The following COL14A1 variants were observed in gnomAD, a reference collection of about 807,000 sequenced individuals.
COL14A1 encodes collagen type XIV alpha 1 chain.
COL14A1 carries 136 observed loss-of-function variants against 230.3 expected under a neutral mutation model. The observed-to-expected ratio is 0.59, with a 90% CI of 0.51 to 0.68. The LOEUF (loss-of-function observed/expected upper bound fraction) is 0.68, where lower values mean the gene tolerates loss of function less well. Among genes scored for constraint, COL14A1 ranks in the 30% least tolerant of loss-of-function variants. COL14A1 has a pLI of 0.00. For synonymous variants in COL14A1, 792 were observed against 784.1 expected (o/e 1.01, Z -0.17); for missense variants, 1,976 against 2,215.8 (o/e 0.89, Z 2.17).
Position 120,342,361 on chromosome 8 carries a change from T to C in COL14A1, c.4822-19T>C, listed in dbSNP as rs761450437. ...TGGGCTTGTAGCTGAGTCAGGAGTA[T>C]GCTTTTTTTCTCATCCAGGGTGACC... On this transcript the variant is annotated intron_variant, in intron 43 of 47. Transcript: ENST00000297848. 6.2e-7 allele frequency: 1 copy of C among 1,613,394 alleles called. No homozygotes were observed. The highest frequency in any genetic ancestry group is 1.7e-5 in the Admixed American group (1 of 59,998).
chr8:120,271,227 G>A (rs536508228), intron 26 of COL14A1, among the ~76,000 whole-genome samples: 1 of 151,700 alleles, frequency 6.6e-6, no homozygotes, highest in Non-Finnish European at 1.5e-5. Flanking sequence ...CTACTTGTGG[G>A]TGGAGGGTAG....
At chr8:120,243,215 G>A (rs1010485239) in intron 19 of COL14A1, among the ~76,000 whole-genome samples, 1 of 152,198 alleles carries the variant, frequency 6.6e-6, no homozygotes, top group African/African-American at 2.4e-5. Flanking sequence ...CTTGCGCGAT[G>A]TCGAACCCAC....
chr8:120,208,213 C>G lies in COL14A1; in HGVS notation c.1192-19C>G. 9 of 1,591,290 alleles carry G rather than the reference C, an allele frequency of 5.7e-6. No homozygotes were observed. Among genetic ancestry groups the G allele is most frequent in the Non-Finnish European group, 6.9e-6 (8 of 1,164,730 alleles). ...TAAGATATTCCATACTCTCATTACT[C>G]AAACTGTTCTTTAAACAGGTGGTGG... On this transcript the variant is annotated intron_variant, in intron 10 of 47. Coordinates refer to ENST00000297848, the MANE Select transcript of COL14A1 (RefSeq NM_021110.4).
intron 36 of COL14A1, among the ~76,000 whole-genome samples, chr8:120,307,357 G>T (rs1820885952): frequency 6.6e-6 from 1 of 152,182 alleles, no homozygotes; most frequent in Non-Finnish European, 1.5e-5. Flanking sequence ...AGATCAAGTA[G>T]AGAAATGATT....
At chr8:120,221,843 G>T (rs1196995963) in intron 14 of COL14A1, among the ~76,000 whole-genome samples, 1 of 152,184 alleles carries the variant, frequency 6.6e-6, no homozygotes, top group African/African-American at 2.4e-5. Flanking sequence ...AGGTAAAGGT[G>T]GGTGGGAGAG....
chr8:120,153,790 A>G (rs1486701872), intron 2 of COL14A1, among the ~76,000 whole-genome samples: 1 of 152,226 alleles, frequency 6.6e-6, no homozygotes, highest in African/African-American at 2.4e-5. Context: ...AGCTTTGAAA[A>G]GGATAGGAAT....
intron 40 of COL14A1, 85 bp from the exon 41 acceptor site, chr8:120,332,056 C>T (rs1821887214): frequency 1.7e-6 from 2 of 1,179,880 alleles, no homozygotes; most frequent in Non-Finnish European, 2.5e-6. Flanking sequence ...ACTTGACCCC[C>T]AAACATGAAA....
chr8:120,219,514 C>T (rs1459035173), intron 14 of COL14A1, among the ~76,000 whole-genome samples: 1 of 152,180 alleles, frequency 6.6e-6, no homozygotes, highest in Admixed American at 6.5e-5. Context: ...ATAGTTGGAG[C>T]TTTCTACCTG....
intron 23 of COL14A1, among the ~76,000 whole-genome samples, chr8:120,261,293 C>A (rs963318870): frequency 2.0e-5 from 3 of 152,124 alleles, no homozygotes; most frequent in African/African-American, 7.2e-5. Context: ...AAGTTATTAA[C>A]TTTTCTGACC....
chr8:120,143,021 G>C (rs950189853), intron 1 of COL14A1, among the ~76,000 whole-genome samples: 1 of 152,152 alleles, frequency 6.6e-6, no homozygotes, highest in East Asian at 1.9e-4. Flanking sequence ...AGAGGCTTTT[G>C]CACTTAAAGC....
intron 41 of COL14A1, 86 bp from the exon 42 acceptor site, chr8:120,332,578 A>G (rs1432206798): frequency 9.0e-7 from 1 of 1,108,150 alleles, no homozygotes; most frequent in East Asian, 2.5e-5. Context: ...CATGGTGTGT[A>G]TTTGTTACTC....
At position 120,205,019 on chromosome 8, in the gene COL14A1, G is replaced by A. The variant is rs577759230; in HGVS notation, c.1039+1149G>A. Among the ~76,000 whole-genome samples, 5 of 152,148 alleles carry A rather than the reference G, an allele frequency of 3.3e-5. No individual in the cohort carries two copies. The East Asian group carries it at 5.8e-4, about 18-fold the overall frequency. On this transcript the variant is annotated intron_variant, in intron 9 of 47. Coordinates refer to ENST00000297848, the MANE Select transcript of COL14A1 (RefSeq NM_021110.4). Reference sequence around the variant, plus strand: ...ATGAGGGGGTTGGGGTGGATGTTAGGGCACCCTATTACAGCCAAAAAAGGC... The same window carrying A: ...ATGAGGGGGTTGGGGTGGATGTTAGAGCACCCTATTACAGCCAAAAAAGGC...
intron 2 of COL14A1, among the ~76,000 whole-genome samples, chr8:120,156,455 C>T (rs937248136): frequency 6.6e-6 from 1 of 152,178 alleles, no homozygotes; most frequent in Non-Finnish European, 1.5e-5. Flanking sequence ...AGGCATGAGC[C>T]ACCCTGCCTG....
intron 14 of COL14A1, among the ~76,000 whole-genome samples, chr8:120,216,703 G>A (rs1280186801): frequency 2.6e-5 from 4 of 152,214 alleles, no homozygotes; most frequent in Non-Finnish European, 4.4e-5. Context: ...CCAGATAGTG[G>A]CTGGAGCTGG....
At chr8:120,163,028 C>T (rs1444666466) in intron 4 of COL14A1, among the ~76,000 whole-genome samples, 1 of 152,140 alleles carries the variant, frequency 6.6e-6, no homozygotes, top group Admixed American at 6.5e-5. Context: ...AATGGGCGCT[C>T]CATGAATATG....
chr8:120,169,097 C>T (rs1311775424), intron 5 of COL14A1, among the ~76,000 whole-genome samples: 1 of 152,120 alleles, frequency 6.6e-6, no homozygotes, highest in Non-Finnish European at 1.5e-5. Flanking sequence ...CTCAGGTGAT[C>T]CACCTTCCTC....
chr8:120,142,812 T>C (rs935632673), intron 1 of COL14A1, among the ~76,000 whole-genome samples: 10 of 152,216 alleles, frequency 6.6e-5, no homozygotes, highest in Non-Finnish European at 1.3e-4. Flanking sequence ...AAGAGTTGTA[T>C]ACTAGACTGT....
intron 26 of COL14A1, among the ~76,000 whole-genome samples, chr8:120,271,485 T>C (rs542718852): frequency 7.9e-5 from 12 of 151,880 alleles, no homozygotes; most frequent in African/African-American, 2.9e-4. Flanking sequence ...TGATGTGATT[T>C]AAAGATGTCA....
Position 120,199,421 on chromosome 8 carries a change from T to A in COL14A1, c.732T>A (p.Ile244=), listed in dbSNP as rs1817153196. ...TCCAAGGTCTTGCTTTGAACTACAT[T>A]TTTGAAAATAGCTTCAAACCAGAAG... ...NTLTGLALNY[I]FENSFKPEAG... Residue 244 remains isoleucine, a synonymous_variant, in exon 8 of 48, where the codon ATT becomes ATA. Coordinates refer to ENST00000297848, the MANE Select transcript of COL14A1 (RefSeq NM_021110.4). 1 of 1,601,942 alleles carries A rather than the reference T, an allele frequency of 6.2e-7. No homozygotes were observed. Among genetic ancestry groups the A allele is most frequent in the African/African-American group, 1.4e-5 (1 of 73,936 alleles).
Sources: allele counts gnomAD v4.1 joint callset (sites outside exome capture counted in the v4.1 genomes callset), GRCh38; gene constraint gnomAD v4.1.1; transcripts MANE v1.5; gene names NCBI Gene and HGNC (gene_info 2026-07-23, HGNC 2026-07-21).